The following ZP1 variants were observed in gnomAD, a reference collection of about 807,000 sequenced individuals.
ZP1 encodes zona pellucida glycoprotein 1.
ZP1 carries 58 observed loss-of-function variants against 67.4 expected under a neutral mutation model. That is an observed-to-expected ratio of 0.86 (90% confidence interval 0.70 to 1.07). ZP1 has a LOEUF of 1.07. ZP1 is among the 50% of genes least tolerant of loss of function. The probability of loss-of-function intolerance (pLI) is 0.00; values close to 1 mark genes in which losing one functional copy is unlikely to be tolerated. For missense variants in ZP1, 759 were observed against 807.3 expected (o/e 0.94, Z 0.72); for synonymous variants, 333 against 332.7 (o/e 1.00, Z -0.01).
Position 60,869,627 on chromosome 11 carries a change from A to C in ZP1, c.409A>C (p.Lys137Gln). 6.2e-7 allele frequency: 1 copy of C among 1,614,152 alleles called. No individual in the cohort carries two copies. Among genetic ancestry groups the C allele is most frequent in the East Asian group, 2.2e-5 (1 of 44,878 alleles). The part of the protein sequence containing the change: ...VAQDATLICP[K>Q]PDPSRTLDSQ... ...ACAAGACGCTACTCTGATCTGTCCC[A>C]AACCTGACCCCTCCCGGACTCTGGA... Residue 137 changes from lysine (K) to glutamine (Q), a missense_variant, in exon 3 of 12, where the codon AAA becomes CAA. Transcript: ENST00000278853.
chr11:60,867,619 G>C lies in ZP1; in HGVS notation c.58G>C (p.Ala20Pro). The C allele has an allele frequency of 6.2e-7, 1 of 1,613,418 alleles. No homozygotes were observed. The highest frequency in any genetic ancestry group is 1.7e-4 in the Middle Eastern group (1 of 6,036). ...GYPVALLLLV[A>P]TLGLGRWLQP... ...CCCTGTGGCCCTGCTACTGCTGGTT[G>C]CCACCCTGGGGCTGGGTAGGTGGCT... is the stretch of plus-strand genomic sequence containing the variant. The change falls in exon 1 of 12, where the codon GCC (alanine) becomes CCC (proline). Residue 20 changes from alanine (A) to proline (P), a missense_variant. By Grantham distance (27) the Ala-to-Pro change is conservative (BLOSUM62 -1). Coordinates refer to ENST00000278853, the MANE Select transcript of ZP1 (RefSeq NM_207341.4).
At chr11:60,869,497 G>T in intron 2 of ZP1, 40 bp from the exon 3 acceptor site, 1 of 1,564,822 alleles carries the variant, frequency 6.4e-7, no homozygotes. Flanking sequence ...TATGCTAGGT[G>T]GCCTCACCTT....
chr11:60,869,631 C>A lies in ZP1; in HGVS notation c.413C>A (p.Pro138His). The part of the protein sequence containing the change: ...AQDATLICPK[P>H]DPSRTLDSQL... ...GACGCTACTCTGATCTGTCCCAAAC[C>A]TGACCCCTCCCGGACTCTGGACTCC... is the stretch of plus-strand genomic sequence containing the variant. Residue 138 changes from proline (P) to histidine (H), a missense_variant, in exon 3 of 12, where the codon CCT becomes CAT. Pro to His is a moderately conservative substitution (Grantham distance 77). Coordinates refer to ENST00000278853, the MANE Select transcript of ZP1 (RefSeq NM_207341.4). 1.2e-6 allele frequency: 2 copies of A among 1,614,180 alleles called. No homozygotes were observed. Among genetic ancestry groups the A allele is most frequent in the Non-Finnish European group, 1.7e-6 (2 of 1,180,018 alleles).
Position 60,875,583 on chromosome 11 carries a change from T to A in ZP1, c.1844T>A (p.Val615Asp), listed in dbSNP as rs779085221. ...AVLLLPAVALVLGFGVFVGLS... is the reference protein window; with the variant it reads ...AVLLLPAVALDLGFGVFVGLS... ...CTTTTGCTGCCAGCTGTTGCCCTGGTCCTTGGGTTTGGTGTCTTTGTGGGC... is the reference window on the plus strand; with the variant it reads ...CTTTTGCTGCCAGCTGTTGCCCTGGACCTTGGGTTTGGTGTCTTTGTGGGC... Residue 615 changes from valine (V) to aspartate (D), a missense_variant, in exon 12 of 12, where the codon GTC becomes GAC. Val to Asp is a radical substitution (Grantham distance 152). Coordinates refer to ENST00000278853, the MANE Select transcript of ZP1 (RefSeq NM_207341.4). 9.9e-6 allele frequency: 16 copies of A among 1,614,154 alleles called. No individual in the cohort carries two copies. Among genetic ancestry groups the A allele is most frequent in the Non-Finnish European group, 1.3e-5 (15 of 1,180,024 alleles).
intron 6 of ZP1, among the ~76,000 whole-genome samples, chr11:60,871,717 G>A (rs184480720): frequency 4.8e-4 from 73 of 152,330 alleles, no homozygotes; most frequent in African/African-American, 1.7e-3. Flanking sequence ...GTCAGGTTAA[G>A]AAGCCACAGA....
rs767150667 is a variant in ZP1, at chr11:60,869,621, T to A, written c.403T>A (p.Cys135Ser). Residue 135 changes from cysteine to serine, a missense_variant, in exon 3 of 12, where the codon TGT becomes AGT. Cys to Ser is a moderately radical substitution (Grantham distance 112). Transcript: ENST00000278853. ...VDVAQDATLI[C>S]PKPDPSRTLD... Reference sequence around the variant, plus strand: ...TGTGGCACAAGACGCTACTCTGATCTGTCCCAAACCTGACCCCTCCCGGAC... The same window carrying A: ...TGTGGCACAAGACGCTACTCTGATCAGTCCCAAACCTGACCCCTCCCGGAC... 4.3e-6 allele frequency: 7 copies of A among 1,614,182 alleles called. No homozygotes were observed. In the South Asian group the frequency reaches 7.7e-5, roughly 18 times the overall value.
Position 60,875,268 on chromosome 11 carries a change from G to C in ZP1, c.1774+20G>C, listed in dbSNP as rs1304829525. ...CCACAGGTAGGAGGGCTTCTGGGTG[G>C]GCCCCTCAGGCCTTACCCACTCTCA... is the stretch of plus-strand genomic sequence containing the variant. On this transcript the variant is annotated intron_variant, in intron 11 of 11. Coordinates refer to ENST00000278853, the MANE Select transcript of ZP1 (RefSeq NM_207341.4). 5 of 1,600,984 alleles carry C rather than the reference G, an allele frequency of 3.1e-6. No individual in the cohort carries two copies. Among genetic ancestry groups the C allele is most frequent in the Non-Finnish European group, 4.2e-6 (5 of 1,176,908 alleles).
chr11:60,870,651 TAAC>T, intron 4 of ZP1, 176 bp downstream of exon 4: 1 of 797,812 alleles, frequency 1.3e-6, no homozygotes. Flanking sequence ...GCTGGCCTTA[TAAC>T]AACTGTCCCA....
intron 9 of ZP1, 67 bp from the exon 10 acceptor site, chr11:60,874,866 C>T (rs1183649670): frequency 6.6e-7 from 1 of 1,517,290 alleles, no homozygotes; most frequent in East Asian, 2.3e-5. Context: ...ATTCCATGTC[C>T]TTCCCTTTGT....
chr11:60,869,061 C>G, intron 1 of ZP1, 84 bp from the exon 2 acceptor site: 1 of 1,549,402 alleles, frequency 6.5e-7, no homozygotes, highest in Non-Finnish European at 8.8e-7. Flanking sequence ...CTCCTGGCTG[C>G]TGAGTGGGAA....
Position 60,870,153 on chromosome 11 carries a change from G to C in ZP1, c.683-179G>C, listed in dbSNP as rs370214893. Among the ~76,000 whole-genome samples, 7 of 152,326 alleles carry C rather than the reference G, an allele frequency of 4.6e-5. No homozygotes were observed. The East Asian group carries it at 9.6e-4, about 21-fold the overall frequency. ...CAGAAACTCATTGAAACCATTGCCAGCAACACCTGATTCTCAGAAAATATT... is the reference window on the plus strand; with the variant it reads ...CAGAAACTCATTGAAACCATTGCCACCAACACCTGATTCTCAGAAAATATT... On this transcript the variant is annotated intron_variant, in intron 3 of 11. Transcript: ENST00000278853.
intron 1 of ZP1, 132 bp from the exon 2 acceptor site, chr11:60,869,013 C>T: frequency 9.0e-7 from 1 of 1,108,788 alleles, no homozygotes; most frequent in Non-Finnish European, 1.3e-6. Flanking sequence ...CAAGACCACA[C>T]AACAAACTAA....
intron 9 of ZP1, 150 bp from the exon 10 acceptor site, chr11:60,874,783 C>T: frequency 4.3e-6 from 3 of 692,550 alleles, no homozygotes; most frequent in South Asian, 3.5e-5. Flanking sequence ...GGGCAGCAGT[C>T]ATCATCTTGG....
intron 6 of ZP1, 33 bp from the exon 7 acceptor site, chr11:60,873,129 C>T: frequency 6.6e-7 from 1 of 1,519,224 alleles, no homozygotes; most frequent in Non-Finnish European, 8.8e-7. Context: ...GATTCTGTGT[C>T]TTCTCCCCCA....
In ZP1 at chr11:60,870,299, G is replaced by A. The variant is rs375069834; in HGVS notation, c.683-33G>A. The stretch of plus-strand genomic sequence containing the variant: ...CAGGGCCATGATTTGCAAACTGTGT[G>A]CCTTCAGCCTCATCACTCTGTCCCA... On this transcript the variant is annotated intron_variant, in intron 3 of 11. Transcript: ENST00000278853. 1,225 of 1,503,836 alleles carry A rather than the reference G, an allele frequency of 8.1e-4. 18 individuals are homozygous for A. The highest frequency in any genetic ancestry group is 4.0e-4 in the Non-Finnish European group (452 of 1,125,926). 93.2% of individuals were successfully genotyped at this position (1,503,836 alleles called of 1,614,324 possible).
rs1306003785 is a variant in ZP1 at position 60,871,234 on chromosome 11, C to A, written c.1032C>A (p.Leu344=). ...GTTMQVAGDQ[L]IYENWLVSGI... is the part of the protein sequence containing the mutation. ...TCCTACAGGTGGCTGGCGACCAGCT[C>A]ATCTATGAGAACTGGCTGGTGTCTG... Residue 344 remains leucine (L), a synonymous_variant, in exon 6 of 12, where the codon CTC becomes CTA. Coordinates refer to ENST00000278853, the MANE Select transcript of ZP1 (RefSeq NM_207341.4). 1.9e-6 allele frequency: 3 copies of A among 1,613,906 alleles called. No individual in the cohort carries two copies. The Admixed American group carries it at 5.0e-5, about 27-fold the overall frequency.
intron 2 of ZP1, 93 bp from the exon 3 acceptor site, chr11:60,869,444 C>A: frequency 6.6e-7 from 1 of 1,514,076 alleles, no homozygotes; most frequent in East Asian, 2.3e-5. Flanking sequence ...AGCTCCCTGC[C>A]TAATGGCCAG....
intron 3 of ZP1, among the ~76,000 whole-genome samples, 170 bp downstream of exon 3, chr11:60,870,070 C>T (rs764068077): frequency 3.3e-5 from 5 of 152,134 alleles, no homozygotes; most frequent in Non-Finnish European, 7.3e-5. Context: ...CAGCTTTAAA[C>T]ATGTATAGGT....
chr11:60,870,576 T>C, intron 4 of ZP1, 101 bp downstream of exon 4: 1 of 1,466,822 alleles, frequency 6.8e-7, no homozygotes, highest in Non-Finnish European at 9.1e-7. Flanking sequence ...ATCCTCCTCC[T>C]GGAGAGCCCA....
Sources: allele counts gnomAD v4.1 joint callset (sites outside exome capture counted in the v4.1 genomes callset), GRCh38; gene constraint gnomAD v4.1.1; transcripts MANE v1.5; gene names NCBI Gene and HGNC (gene_info 2026-07-23, HGNC 2026-07-21).